The following LRRIQ1 variants were observed in gnomAD, a reference collection of about 807,000 sequenced individuals.
LRRIQ1 encodes leucine rich repeats and IQ motif containing 1.
LRRIQ1 carries 210 observed loss-of-function variants against 211.9 expected under a neutral mutation model. The ratio of observed to expected loss-of-function variants is 0.99; its 90% CI spans 0.89 to 1.11. The LOEUF is 1.11. LRRIQ1 is among the 50% of genes most tolerant of loss of function. The probability of loss-of-function intolerance (pLI) is 0.00; values close to 1 mark genes in which losing one functional copy is unlikely to be tolerated. For synonymous variants in LRRIQ1, 699 were observed against 650.1 expected, an observed-to-expected ratio of 1.08 and a Z score of -1.14; for missense variants, 2,136 against 1,939.5, an observed-to-expected ratio of 1.10 and a Z score of -1.90.
In LRRIQ1 at chr12:85,236,997, A is replaced by G. The variant is rs142533869; in HGVS notation, c.5016+4241A>G. ...ATTGGTTGGATATATATTATGAAACACAGTACTGCAGGCAAGAGGAGTAGA... is the reference window on the plus strand; with the variant it reads ...ATTGGTTGGATATATATTATGAAACGCAGTACTGCAGGCAAGAGGAGTAGA... On this transcript the variant is annotated intron_variant, in intron 26 of 26. Coordinates refer to ENST00000393217, the MANE Select transcript of LRRIQ1 (RefSeq NM_001079910.2). 6.2e-3 allele frequency among the ~76,000 whole-genome samples: 940 copies of G among 151,624 alleles called. 6 individuals carry two copies. The highest frequency in any genetic ancestry group is 9.2e-3 in the Non-Finnish European group (626 of 67,824).
chr12:85,079,290 C>A lies in LRRIQ1; in HGVS notation c.2887+6192C>A, dbSNP rs959267572. Among the ~76,000 whole-genome samples the A allele has an allele frequency of 2.4e-5, 3 of 126,394 alleles. No individual in the cohort carries two copies. In the Admixed American group the frequency reaches 2.8e-4, roughly 12 times the overall value. 82.9% of individuals were successfully genotyped at this position (126,394 alleles called of 152,430 possible). A position where few individuals can be genotyped will look rare whatever the true frequency, so the allele number is the denominator to read the frequency against. The stretch of plus-strand genomic sequence containing the variant: ...TTTGAGATGGAGTCTCACTCTGTCT[C>A]GGCTTACTGCAAGCTCCGCCTCCCG... On this transcript the variant is annotated intron_variant, in intron 11 of 26. Transcript: ENST00000393217.
intron 13 of LRRIQ1, among the ~76,000 whole-genome samples, chr12:85,100,204 A>G (rs1326000837): frequency 6.6e-6 from 1 of 151,786 alleles, no homozygotes; most frequent in Non-Finnish European, 1.5e-5. Context: ...ATTTAAAGAG[A>G]TTATAAAGAA....
intron 24 of LRRIQ1, chr12:85,162,719 C>T (rs1336373490): frequency 2.2e-6 from 1 of 454,034 alleles, no homozygotes; most frequent in African/African-American, 2.0e-5. Context: ...TCCACATAAG[C>T]TTTACGATGT....
At chr12:85,236,829 GCATATA>G (rs1020927007) in intron 26 of LRRIQ1, among the ~76,000 whole-genome samples, 7 of 60,460 alleles carry the variant, frequency 1.2e-4, no homozygotes, top group African/African-American at 1.1e-3. Context: ...GTGTATGTGT[GCATATA>G]TATATATATA....
At chr12:85,259,163 G>T (rs1896213576) in intron 1 of LRRIQ1, among the ~76,000 whole-genome samples, 1 of 151,978 alleles carries the variant, frequency 6.6e-6, no homozygotes, top group South Asian at 2.1e-4. Context: ...CAAATAAGCA[G>T]CAGATTGTTG....
intron 24 of LRRIQ1, among the ~76,000 whole-genome samples, chr12:85,166,720 G>A (rs1891170800): frequency 6.6e-6 from 1 of 152,186 alleles, no homozygotes; most frequent in Non-Finnish European, 1.5e-5. Context: ...GCATATGCAG[G>A]CAACAAAATA....
intron 15 of LRRIQ1, among the ~76,000 whole-genome samples, chr12:85,117,889 T>A (rs1887695352): frequency 1.3e-5 from 2 of 152,188 alleles, no homozygotes; most frequent in South Asian, 4.1e-4. Flanking sequence ...AAAACTTGAC[T>A]GAGTAATTTT....
intron 15 of LRRIQ1, among the ~76,000 whole-genome samples, chr12:85,108,704 G>C (rs766802801): frequency 6.6e-6 from 1 of 151,996 alleles, no homozygotes; most frequent in African/African-American, 2.4e-5. Context: ...TCACTTTTGA[G>C]ATGGTTTCAC....
At chr12:85,224,861 G>A (rs1011624348) in intron 24 of LRRIQ1, among the ~76,000 whole-genome samples, 55 of 152,002 alleles carry the variant, frequency 3.6e-4, no homozygotes, top group African/African-American at 1.3e-3. Flanking sequence ...TTCTGCACAT[G>A]TATCTCAGAA....
At chr12:85,263,043 GCGA>G (rs1226005696) in exon 2 of LRRIQ1, 1 of 987,828 alleles carries the variant, frequency 1.0e-6, no homozygotes, top group African/African-American at 1.7e-5. Flanking sequence ...CAAAAAGAAG[GCGA>G]ACATTTCCAA....
intron 24 of LRRIQ1, among the ~76,000 whole-genome samples, chr12:85,199,241 T>C (rs1417018363): frequency 6.6e-6 from 1 of 152,156 alleles, no homozygotes; most frequent in African/African-American, 2.4e-5. Flanking sequence ...TTTTTATAGT[T>C]TTATGTTTTA....
At chr12:85,248,237 A>G (rs994461590), downstream of LRRIQ1, among the ~76,000 whole-genome samples, 1 of 151,550 alleles carries the variant, frequency 6.6e-6, no homozygotes, top group Non-Finnish European at 1.5e-5. Context: ...GACAGCTAAC[A>G]TAAATGAAAC....
chr12:85,121,157 G>A, intron 15 of LRRIQ1, among the ~76,000 whole-genome samples: 1 of 151,836 alleles, frequency 6.6e-6, no homozygotes. Context: ...ATACCTTGAA[G>A]ATTTTTACCT....
At chr12:85,231,555 T>G (rs998237859) in intron 25 of LRRIQ1, among the ~76,000 whole-genome samples, 1 of 152,146 alleles carries the variant, frequency 6.6e-6, no homozygotes, top group African/African-American at 2.4e-5. Flanking sequence ...TAGCTCATGG[T>G]TCTGCAGGCT....
At chr12:85,046,776 G>A (rs1879637614) in intron 5 of LRRIQ1, among the ~76,000 whole-genome samples, 1 of 152,068 alleles carries the variant, frequency 6.6e-6, no homozygotes, top group Non-Finnish European at 1.5e-5. Flanking sequence ...TGATAGACTG[G>A]ATTAAGAAAA....
At chr12:85,064,783 T>G (rs1157462652) in intron 8 of LRRIQ1, among the ~76,000 whole-genome samples, 1 of 151,808 alleles carries the variant, frequency 6.6e-6, no homozygotes, top group African/African-American at 2.4e-5. Flanking sequence ...TTGAAGAGGC[T>G]GGCCTTTCTC....
chr12:85,114,342 T>C (rs548941805), intron 15 of LRRIQ1, among the ~76,000 whole-genome samples: 10 of 152,264 alleles, frequency 6.6e-5, no homozygotes, highest in African/African-American at 2.4e-4. Flanking sequence ...TTTAGGGCCA[T>C]GAATTGTTTG....
chr12:85,209,269 A>G (rs757913363), intron 24 of LRRIQ1, among the ~76,000 whole-genome samples: 6 of 152,196 alleles, frequency 3.9e-5, no homozygotes, highest in Admixed American at 6.5e-5. Flanking sequence ...GAAACTTGCA[A>G]TCATGGCAGA....
chr12:85,232,729 A>C lies in LRRIQ1; in HGVS notation c.4989A>C (p.Val1663=). 1 of 1,612,942 alleles carries C rather than the reference A, an allele frequency of 6.2e-7. No individual in the cohort carries two copies. ...TTTTGCCTGAGTTAGATCCAGATGT[A>C]CTTAATGGTGGAAGAGTTCAGCTTG... The part of the protein sequence containing the change: ...NHFLPELDPD[V]LNGGRVQLVA... The change falls in exon 26 of 27, where the codon GTA becomes GTC. Residue 1663 remains valine (V), a synonymous_variant. Coordinates refer to ENST00000393217, the MANE Select transcript of LRRIQ1 (RefSeq NM_001079910.2).
Sources: allele counts gnomAD v4.1 joint callset (sites outside exome capture counted in the v4.1 genomes callset), GRCh38; gene constraint gnomAD v4.1.1; transcripts MANE v1.5; gene names NCBI Gene and HGNC (gene_info 2026-07-23, HGNC 2026-07-21).